The following PELI1 variants were observed in gnomAD, a reference collection of about 807,000 sequenced individuals.
PELI1 encodes pellino E3 ubiquitin protein ligase 1.
PELI1 carries 15 observed loss-of-function variants against 41.3 expected under a neutral mutation model. The observed-to-expected ratio is 0.36, with a 90% CI of 0.24 to 0.56. The LOEUF is 0.56. PELI1 is among the 20% of genes least tolerant of loss of function. The pLI, the probability that PELI1 is intolerant of heterozygous loss-of-function variation, is 0.82. For missense variants in PELI1, 403 were observed against 525.5 expected (o/e 0.77, Z 2.28); for synonymous variants, 178 against 180.1 (o/e 0.99, Z 0.09).
At position 64,093,428 on chromosome 2, in the gene PELI1, G is replaced by A. The variant is rs984646985; in HGVS notation, c.*1274C>T. 1.0e-4 allele frequency: 16 copies of A among 152,614 alleles called. No homozygotes were observed. The highest frequency in any genetic ancestry group is 2.7e-4 in the African/African-American group (11 of 41,450). 9.5% of individuals were successfully genotyped at this position (152,614 alleles called of 1,614,324 possible). On this transcript the variant is annotated 3_prime_UTR_variant, in exon 7 of 7. Coordinates refer to ENST00000358912, the MANE Select transcript of PELI1 (RefSeq NM_020651.4). ...TGATGTAGTGCAACTGTCTATACTT[G>A]TGGTGCCTTTGAAAAAAGGGTGGGA... is the stretch of plus-strand genomic sequence containing the variant.
At chr2:64,118,947 A>T (rs948791530) in intron 1 of PELI1, among the ~76,000 whole-genome samples, 2 of 152,184 alleles carry the variant, frequency 1.3e-5, no homozygotes, top group South Asian at 4.1e-4. Flanking sequence ...AAAAGTAAGC[A>T]ATGAACAACA....
chr2:64,124,482 T>C (rs1016208174), intron 1 of PELI1, among the ~76,000 whole-genome samples: 8 of 152,218 alleles, frequency 5.3e-5, no homozygotes, highest in Non-Finnish European at 8.8e-5. Flanking sequence ...TTCTAGATAC[T>C]GTTAACTCCT....
At chr2:64,123,972 TA>T (rs1681305625) in intron 1 of PELI1, among the ~76,000 whole-genome samples, 2 of 152,172 alleles carry the variant, frequency 1.3e-5, no homozygotes, top group Admixed American at 1.3e-4. Flanking sequence ...AGGAATGAAT[TA>T]CTGATATATA....
chr2:64,143,956 G>A (rs1682014218), intron 1 of PELI1, 125 bp downstream of exon 1: 1 of 80,974 alleles, frequency 1.2e-5, no homozygotes, highest in South Asian at 4.8e-4. Context: ...GGGCGCGCAG[G>A]CGGGCGGGGA....
At chr2:64,130,115 T>C (rs1681509066) in intron 1 of PELI1, among the ~76,000 whole-genome samples, 1 of 152,188 alleles carries the variant, frequency 6.6e-6, no homozygotes, top group African/African-American at 2.4e-5. Context: ...AATTCCAGAT[T>C]CTTCCCAACT....
chr2:64,137,176 T>C (rs570998660), intron 1 of PELI1, among the ~76,000 whole-genome samples: 72 of 152,272 alleles, frequency 4.7e-4, no homozygotes, highest in African/African-American at 1.6e-3. Context: ...TTAGATGAGA[T>C]CCAATTTTTC....
intron 1 of PELI1, among the ~76,000 whole-genome samples, chr2:64,126,575 T>G (rs1240047542): frequency 1.3e-5 from 2 of 152,212 alleles, no homozygotes; most frequent in South Asian, 4.1e-4. Context: ...GTATTCAAAC[T>G]AATGCAAAAG....
intron 1 of PELI1, among the ~76,000 whole-genome samples, chr2:64,117,952 G>C (rs1681056350): frequency 6.6e-6 from 1 of 152,006 alleles, no homozygotes. Context: ...TGGGACTACA[G>C]GTGCATGCCA....
intron 1 of PELI1, among the ~76,000 whole-genome samples, chr2:64,130,866 G>T (rs1467963823): frequency 6.6e-6 from 1 of 152,112 alleles, no homozygotes; most frequent in Non-Finnish European, 1.5e-5. Context: ...CTATCTAAAT[G>T]ATATTAGAAG....
intron 1 of PELI1, among the ~76,000 whole-genome samples, chr2:64,125,430 A>G (rs1681353989): frequency 6.6e-6 from 1 of 152,214 alleles, no homozygotes; most frequent in African/African-American, 2.4e-5. Flanking sequence ...TAGAAAGACC[A>G]AATAGATTTT....
intron 1 of PELI1, among the ~76,000 whole-genome samples, chr2:64,134,954 C>A (rs555411992): frequency 1.4e-4 from 21 of 152,158 alleles, no homozygotes; most frequent in Admixed American, 3.9e-4. Context: ...GGGCCAGTCA[C>A]TTCATAATTC....
At chr2:64,139,111 C>T (rs1309073704) in intron 1 of PELI1, among the ~76,000 whole-genome samples, 5 of 152,142 alleles carry the variant, frequency 3.3e-5, no homozygotes, top group Admixed American at 6.5e-5. Context: ...CATTAAATAT[C>T]CAGAGTCTAA....
chr2:64,120,203 T>C (rs1351791496), intron 1 of PELI1, among the ~76,000 whole-genome samples: 1 of 152,230 alleles, frequency 6.6e-6, no homozygotes, highest in Non-Finnish European at 1.5e-5. Context: ...ACCTACATAC[T>C]GACATGTGCT....
chr2:64,134,813 A>G (rs1466718897), intron 1 of PELI1, among the ~76,000 whole-genome samples: 1 of 152,168 alleles, frequency 6.6e-6, no homozygotes, highest in African/African-American at 2.4e-5. Context: ...TCAACATTAA[A>G]GTTTTGAAAA....
rs547552932 is a variant in PELI1 at position 64,104,682 on chromosome 2, T to A, written c.201+19A>T. 1.6e-5 allele frequency: 2 copies of A among 123,362 alleles called. No individual in the cohort carries two copies. Among genetic ancestry groups the A allele is most frequent in the Non-Finnish European group, 3.0e-5 (2 of 66,996 alleles). The allele number at this position is 123,362 out of a possible 1,614,324, so 7.6% of individuals were successfully genotyped here. A position where few individuals can be genotyped will look rare whatever the true frequency, so the allele number is the denominator to read the frequency against. ...AATTCTCCAAGTTAATTTATGTAGC[T>A]TTTTTTTTTTTTTTTTACCTTTGCA... On this transcript the variant is annotated intron_variant, in intron 3 of 6. Transcript: ENST00000358912.
chr2:64,132,786 T>A (rs1681596185), intron 1 of PELI1, among the ~76,000 whole-genome samples: 1 of 152,186 alleles, frequency 6.6e-6, no homozygotes, highest in African/African-American at 2.4e-5. Context: ...GGAAATGGCA[T>A]AGTACTTTTA....
chr2:64,121,096 A>C (rs1252790975), intron 1 of PELI1, among the ~76,000 whole-genome samples: 1 of 152,210 alleles, frequency 6.6e-6, no homozygotes, highest in African/African-American at 2.4e-5. Context: ...CTTAGGTTAC[A>C]GCGAAATAAA....
intron 3 of PELI1, 138 bp downstream of exon 3, chr2:64,104,563 A>T: frequency 1.5e-6 from 2 of 1,306,892 alleles, no homozygotes; most frequent in Non-Finnish European, 2.0e-6. Context: ...CCATGTCTCC[A>T]AAGTCTCTTC....
intron 1 of PELI1, among the ~76,000 whole-genome samples, chr2:64,139,845 A>G (rs149273255): frequency 6.6e-6 from 1 of 152,294 alleles, no homozygotes; most frequent in African/African-American, 2.4e-5. Flanking sequence ...CAGTTTTCTA[A>G]ACACAGCACT....
Sources: allele counts gnomAD v4.1 joint callset (sites outside exome capture counted in the v4.1 genomes callset), GRCh38; gene constraint gnomAD v4.1.1; transcripts MANE v1.5; gene names NCBI Gene and HGNC (gene_info 2026-07-23, HGNC 2026-07-21).